Variants in MAN1A2 observed in about 807,000 individuals in gnomAD.
MAN1A2 encodes the protein mannosidase alpha class 1A member 2, also known as mannosyl-oligosaccharide 1,2-alpha-mannosidase IB.
In MAN1A2, 26 loss-of-function variants were observed where a neutral mutation model predicts 75.7. The observed-to-expected ratio is 0.34, with a 90% CI of 0.25 to 0.48. MAN1A2 has a LOEUF of 0.48. MAN1A2 is among the 20% of genes least tolerant of loss of function. MAN1A2 has a pLI of 0.99. For missense variants in MAN1A2, 562 were observed against 775.5 expected, an observed-to-expected ratio of 0.72 and a Z score of 3.27; for synonymous variants, 247 against 264.6, an observed-to-expected ratio of 0.93 and a Z score of 0.65.
chr1:117,382,136 C>T (rs1240391101), intron 1 of MAN1A2, among the ~76,000 whole-genome samples: 8 of 152,110 alleles, frequency 5.3e-5, no homozygotes, highest in East Asian at 3.9e-4. Context: ...GTAGGTTGCT[C>T]GTTCACTCTG....
chr1:117,412,417 A>G (rs1022030304), intron 3 of MAN1A2, among the ~76,000 whole-genome samples: 1 of 151,570 alleles, frequency 6.6e-6, no homozygotes, highest in Non-Finnish European at 1.5e-5. Flanking sequence ...GATTCATTGT[A>G]TGGTTCTTCA....
rs1345597198 is a variant in MAN1A2 at position 117,445,864 on chromosome 1, G to C, written c.950+3539G>C. Among the ~76,000 whole-genome samples, 755 of 99,304 alleles carry C rather than the reference G, an allele frequency of 7.6e-3. 14 individuals are homozygous for C. The highest frequency in any genetic ancestry group is 0.025 in the Admixed American group (257 of 10,484). The allele number at this position is 99,304 out of a possible 152,430, so 65.1% of individuals were successfully genotyped here. A position where few individuals can be genotyped will look rare whatever the true frequency, so the allele number is the denominator to read the frequency against. On this transcript the variant is annotated intron_variant, in intron 6 of 12. Coordinates refer to ENST00000356554, the MANE Select transcript of MAN1A2 (RefSeq NM_006699.5). ...TTTGTGTGTGTGTGTGTGTGTATGT[G>C]TGTGTGTGTCTGTGTGTGTGTATAT...
At chr1:117,389,484 C>G (rs57914719) in intron 1 of MAN1A2, among the ~76,000 whole-genome samples, 1 of 152,204 alleles carries the variant, frequency 6.6e-6, no homozygotes, top group African/African-American at 2.4e-5. Flanking sequence ...AGTGGTAATG[C>G]TTGCTTGCAC....
intron 1 of MAN1A2, among the ~76,000 whole-genome samples, chr1:117,398,623 G>A (rs1190210567): frequency 2.0e-5 from 3 of 151,126 alleles, no homozygotes; most frequent in East Asian, 1.9e-4. Flanking sequence ...GCAGTGAGCC[G>A]AGATCGTGCC....
At chr1:117,395,177 T>G (rs1340098193) in intron 1 of MAN1A2, among the ~76,000 whole-genome samples, 1 of 152,194 alleles carries the variant, frequency 6.6e-6, no homozygotes, top group Non-Finnish European at 1.5e-5. Flanking sequence ...AGCCAAAACT[T>G]GAGGGCTCTA....
At chr1:117,374,638 C>CT (rs1653083064) in intron 1 of MAN1A2, among the ~76,000 whole-genome samples, 1 of 152,144 alleles carries the variant, frequency 6.6e-6, no homozygotes, top group Non-Finnish European at 1.5e-5. Context: ...GAGACAGGGG[C>CT]TTTAGTTTCA....
At chr1:117,424,221 A>G (rs953203443) in intron 5 of MAN1A2, among the ~76,000 whole-genome samples, 4 of 151,802 alleles carry the variant, frequency 2.6e-5, no homozygotes, top group Non-Finnish European at 5.9e-5. Flanking sequence ...TGAGGCAGAG[A>G]ATGGTTTTAT....
chr1:117,506,617 C>T (rs1415034646), intron 12 of MAN1A2, among the ~76,000 whole-genome samples: 2 of 151,518 alleles, frequency 1.3e-5, no homozygotes, highest in South Asian at 2.1e-4. Context: ...ATATATACAA[C>T]AAATTTTAAA....
chr1:117,400,792 A>G (rs978646038), intron 1 of MAN1A2, among the ~76,000 whole-genome samples: 5 of 152,148 alleles, frequency 3.3e-5, no homozygotes, highest in Admixed American at 6.5e-5. Flanking sequence ...GTTTTTGCCT[A>G]TTATGGGCTA....
At chr1:117,428,478 G>A (rs1210108663) in intron 5 of MAN1A2, among the ~76,000 whole-genome samples, 1 of 152,000 alleles carries the variant, frequency 6.6e-6, no homozygotes, top group Non-Finnish European at 1.5e-5. Context: ...AAAAGCAATG[G>A]AAATGGCGAA....
chr1:117,408,994 A>G (rs1459841083), intron 3 of MAN1A2, among the ~76,000 whole-genome samples: 1 of 151,812 alleles, frequency 6.6e-6, no homozygotes, highest in African/African-American at 2.4e-5. Flanking sequence ...ATCCCCTTTC[A>G]TTTCTAATAT....
chr1:117,442,187 T>C (rs1404797283), intron 5 of MAN1A2, 44 bp from the exon 6 acceptor site: 1 of 1,211,634 alleles, frequency 8.3e-7, no homozygotes, highest in Admixed American at 1.7e-5. Context: ...AGTAAATGCT[T>C]ACTAATGGCT....
intron 1 of MAN1A2, among the ~76,000 whole-genome samples, chr1:117,379,413 T>G (rs1653259054): frequency 6.6e-6 from 1 of 152,178 alleles, no homozygotes; most frequent in African/African-American, 2.4e-5. Flanking sequence ...CTCTTCTACC[T>G]TGCTCTTCAA....
At chr1:117,471,335 G>A (rs138388752) in intron 8 of MAN1A2, among the ~76,000 whole-genome samples, 1 of 151,920 alleles carries the variant, frequency 6.6e-6, no homozygotes, top group East Asian at 1.9e-4. Context: ...GTTTGAAAAT[G>A]CTTCAAATTA....
intron 12 of MAN1A2, among the ~76,000 whole-genome samples, chr1:117,512,238 A>T (rs184834990): frequency 6.6e-6 from 1 of 152,252 alleles, no homozygotes; most frequent in African/African-American, 2.4e-5. Flanking sequence ...TGTTTTCAGT[A>T]GAGAGTCAAA....
chr1:117,431,428 C>T (rs1474821784), intron 5 of MAN1A2, among the ~76,000 whole-genome samples: 2 of 152,022 alleles, frequency 1.3e-5, no homozygotes, highest in Non-Finnish European at 2.9e-5. Context: ...GATCCTTCAA[C>T]ATTCTTCTCT....
At chr1:117,455,622 G>T (rs1649553495) in intron 6 of MAN1A2, among the ~76,000 whole-genome samples, 1 of 151,950 alleles carries the variant, frequency 6.6e-6, no homozygotes, top group Admixed American at 6.6e-5. Context: ...TTAGAAAAAA[G>T]TTTGTAAAAA....
chr1:117,521,966 G>C (rs994708865), intron 12 of MAN1A2, among the ~76,000 whole-genome samples: 1 of 151,918 alleles, frequency 6.6e-6, no homozygotes, highest in Admixed American at 6.6e-5. Flanking sequence ...TCACTGATAT[G>C]TGGGAGCTAA....
At chr1:117,506,004 T>C (rs1278194978) in intron 12 of MAN1A2, among the ~76,000 whole-genome samples, 2 of 151,578 alleles carry the variant, frequency 1.3e-5, no homozygotes, top group African/African-American at 4.8e-5. Context: ...ATTTACTCTT[T>C]ATAAAAACTG....
Sources: gnomAD v4.1 joint callset for allele counts (sites outside exome capture counted in the v4.1 genomes callset) on GRCh38, gnomAD v4.1.1 for gene constraint, MANE v1.5 for transcripts, NCBI Gene and HGNC (gene_info 2026-07-23, HGNC 2026-07-21) for gene names.